Variants in LPIN1 observed in about 807,000 individuals in gnomAD.
LPIN1 encodes the protein phosphatidate phosphatase LPIN1.
Under a neutral mutation model 107.5 loss-of-function variants are expected in LPIN1, and 71 were observed. That is an observed-to-expected ratio of 0.66 (90% CI 0.55 to 0.80). LPIN1 has a LOEUF of 0.80. Ranked by LOEUF, LPIN1 falls within the 30% of genes least tolerant of loss-of-function variation. The pLI, the probability that LPIN1 is intolerant of heterozygous loss-of-function variation, is 0.00. For synonymous variants in LPIN1, 445 were observed against 452.6 expected (o/e 0.98, Z 0.21); for missense variants, 1,043 against 1,160.6 (o/e 0.90, Z 1.47).
At chr2:11,759,123 GCTTTCTTTCTTTTCTTT>G (rs1188459185) in intron 1 of LPIN1, among the ~76,000 whole-genome samples, 2,357 of 146,852 alleles carry the variant, frequency 0.016, 24 homozygotes, top group Middle Eastern at 0.017. Flanking sequence ...TAGCTAGCTT[GCTTTCTTTCTTTTCTTT>G]CTTTCTTTCT....
At chr2:11,748,916 C>T (rs909745432) in intron 1 of LPIN1, among the ~76,000 whole-genome samples, 4 of 152,052 alleles carry the variant, frequency 2.6e-5, no homozygotes, top group Non-Finnish European at 4.4e-5. Context: ...GCTGGTGGTT[C>T]GACCTGTTTG....
At chr2:11,700,249 C>T (rs1662801038) in intron 1 of LPIN1, among the ~76,000 whole-genome samples, 1 of 152,204 alleles carries the variant, frequency 6.6e-6, no homozygotes, top group Non-Finnish European at 1.5e-5. Flanking sequence ...CCTCAAGAGT[C>T]TGCCCAAGTA....
At chr2:11,730,641 G>A (rs1279091773) in intron 1 of LPIN1, among the ~76,000 whole-genome samples, 1 of 152,124 alleles carries the variant, frequency 6.6e-6, no homozygotes, top group Non-Finnish European at 1.5e-5. Context: ...CTCTGGAAAT[G>A]GTGCTGTTTC....
At position 11,814,978 on chromosome 2, in the gene LPIN1, G is replaced by A. The variant is rs957131388; in HGVS notation, c.2250-110G>A. ...AGAATGTGGACTTTTGTATGTGGGG[G>A]AACTTGAAACAGTGCCATTCTCCAC... On this transcript the variant is annotated intron_variant, in intron 17 of 20. Transcript: ENST00000674199. 28 of 998,946 alleles carry A rather than the reference G, an allele frequency of 2.8e-5. No homozygotes were observed. In the East Asian group the frequency reaches 6.7e-4, roughly 24 times the overall value. The allele number at this position is 998,946 out of a possible 1,614,324, so 61.9% of individuals were successfully genotyped here.
chr2:11,740,892 A>G (rs973440524), intron 1 of LPIN1: 1 of 153,618 alleles, frequency 6.5e-6, no homozygotes, highest in East Asian at 1.9e-4. Context: ...AGCAGGTCTG[A>G]ACAGGGAACC....
At chr2:11,747,059 C>T (rs548942354) in intron 1 of LPIN1, among the ~76,000 whole-genome samples, 2 of 152,282 alleles carry the variant, frequency 1.3e-5, no homozygotes, top group East Asian at 3.9e-4. Flanking sequence ...TGGCTCTGCG[C>T]GATCATCCCC....
intron 1 of LPIN1, among the ~76,000 whole-genome samples, chr2:11,680,370 C>T (rs956123203): frequency 8.5e-5 from 13 of 152,142 alleles, no homozygotes; most frequent in African/African-American, 1.9e-4. Flanking sequence ...TTGGTCTCTG[C>T]GCCACAAGTA....
chr2:11,817,665 C>T (rs1277372311), intron 18 of LPIN1: 2 of 152,142 alleles, frequency 1.3e-5, no homozygotes, highest in African/African-American at 2.4e-5. Flanking sequence ...CGCAGTGGCT[C>T]ACGCCTGTAA....
chr2:11,758,363 A>T (rs992121799), intron 1 of LPIN1, among the ~76,000 whole-genome samples: 2 of 152,162 alleles, frequency 1.3e-5, no homozygotes, highest in African/African-American at 4.8e-5. Flanking sequence ...AAGTGGCTCC[A>T]CATTTTACAT....
At chr2:11,711,511 C>T (rs1247400705) in intron 1 of LPIN1, among the ~76,000 whole-genome samples, 1 of 152,210 alleles carries the variant, frequency 6.6e-6, no homozygotes, top group Middle Eastern at 3.4e-3. Flanking sequence ...GGTGTGGTTC[C>T]AAGAGACTAG....
Position 11,684,868 on chromosome 2 carries a change from C to T in LPIN1, c.81+7140C>T, listed in dbSNP as rs115356796. Among the ~76,000 whole-genome samples, 441 of 151,648 alleles carry T rather than the reference C, an allele frequency of 2.9e-3. 3 individuals are homozygous for T. The highest frequency in any genetic ancestry group is 0.01 in the African/African-American group (420 of 41,306). ...TTGTCTTTTCACTCATTTGCTTATT[C>T]TAGTAATAAATATTCACTAGGCGAC... On this transcript the variant is annotated intron_variant, in intron 1 of 21. Coordinates refer to the LPIN1 transcript ENST00000449576.
chr2:11,716,164 G>A (rs1663729503), intron 2 of LPIN1, among the ~76,000 whole-genome samples: 1 of 152,138 alleles, frequency 6.6e-6, no homozygotes, highest in African/African-American at 2.4e-5. Context: ...CGGATCAGGT[G>A]TGCAAGGTGG....
At chr2:11,684,439 T>C (rs1661891609) in intron 1 of LPIN1, among the ~76,000 whole-genome samples, 1 of 152,224 alleles carries the variant, frequency 6.6e-6, no homozygotes, top group African/African-American at 2.4e-5. Context: ...TGGCCTCTCA[T>C]AGTTCTGGAA....
At chr2:11,752,310 G>A (rs1043667582) in intron 1 of LPIN1, among the ~76,000 whole-genome samples, 3 of 152,032 alleles carry the variant, frequency 2.0e-5, no homozygotes, top group Non-Finnish European at 4.4e-5. Context: ...CATCTGAAAG[G>A]CCTCTTTCGA....
At position 11,782,304 on chromosome 2, in the gene LPIN1, T is replaced by G. The variant is rs765117462; in HGVS notation, c.1061T>G (p.Phe354Cys). Residue 354 changes from phenylalanine (F) to cysteine (C), a missense_variant, in exon 8 of 21, where the codon TTT (phenylalanine) becomes TGT (cysteine). Coordinates refer to ENST00000674199, the MANE Select transcript of LPIN1 (RefSeq NM_001349206.2). ...ATTCACAGCGAATCTTCAGACACTT[T>G]TAGTGACCAATCGCCAACTCTGGTC... The part of the protein sequence containing the change: ...QAIHSESSDT[F>C]SDQSPTLVGG... 3.1e-6 allele frequency: 5 copies of G among 1,614,208 alleles called. No individual in the cohort carries two copies. The South Asian group carries it at 5.5e-5, about 18-fold the overall frequency.
chr2:11,786,039 C>T lies in LPIN1; in HGVS notation c.1549+963C>T, dbSNP rs1431272201. Among the ~76,000 whole-genome samples the T allele has an allele frequency of 1.3e-5, 2 of 152,086 alleles. No homozygotes were observed. The highest frequency in any genetic ancestry group is 2.9e-5 in the Non-Finnish European group (2 of 68,020). The stretch of plus-strand genomic sequence containing the variant: ...GCGTGAGGAGTCCCCTGGGCGTTCC[C>T]TCCCTGATATACATGAGCTGGTGGG... On this transcript the variant is annotated intron_variant, in intron 10 of 20. Coordinates refer to ENST00000674199, the MANE Select transcript of LPIN1 (RefSeq NM_001349206.2). The surrounding 1 kb of genome is among the most constrained non-coding windows in gnomAD (Gnocchi z 4.1).
chr2:11,805,356 A>G (rs773138131), intron 17 of LPIN1, 200 bp downstream of exon 17: 55 of 648,766 alleles, frequency 8.5e-5, no homozygotes, highest in South Asian at 1.7e-4. Flanking sequence ...TTTGAATTCA[A>G]TACCAAGAAA....
upstream of LPIN1, chr2:11,745,289 C>T (rs1666783554): frequency 6.6e-6 from 1 of 152,344 alleles, no homozygotes; most frequent in Non-Finnish European, 1.5e-5. Context: ...TCTGAGCCAC[C>T]ATCATGTCCC....
intron 1 of LPIN1, among the ~76,000 whole-genome samples, chr2:11,756,756 G>A (rs1245914341): frequency 1.3e-5 from 2 of 152,126 alleles, no homozygotes; most frequent in African/African-American, 2.4e-5. Flanking sequence ...TAATGTCATA[G>A]GTAGAATTCT....
Sources: allele counts gnomAD v4.1 joint callset (sites outside exome capture counted in the v4.1 genomes callset), GRCh38; gene constraint gnomAD v4.1.1; non-coding constraint Gnocchi (gnomAD v3.1); transcripts MANE v1.5; gene names NCBI Gene and HGNC (gene_info 2026-07-23, HGNC 2026-07-21).